The following CDH12 variants were observed in gnomAD, a reference collection of about 807,000 sequenced individuals.
CDH12 encodes cadherin-12.
In CDH12, 41 loss-of-function variants were observed where a neutral mutation model predicts 74.1. The observed-to-expected ratio is 0.55, with a 90% CI of 0.43 to 0.72. The LOEUF is 0.72. Among genes scored for constraint, CDH12 ranks in the 30% least tolerant of loss-of-function variants. The pLI is 0.00. For missense variants in CDH12, 945 were observed against 977.2 expected (o/e 0.97, Z 0.44); for synonymous variants, 399 against 355.0 (o/e 1.12, Z -1.39).
At chr5:22,704,138 CAATT>C (rs956255753) in intron 1 of CDH12, among the ~76,000 whole-genome samples, 52 of 152,056 alleles carry the variant, frequency 3.4e-4, no homozygotes, top group African/African-American at 1.1e-3. Flanking sequence ...TTTTCACAGA[CAATT>C]AAATTGTAAA....
At chr5:22,108,567 T>A (rs1008785910) in intron 4 of CDH12, among the ~76,000 whole-genome samples, 5 of 152,212 alleles carry the variant, frequency 3.3e-5, no homozygotes, top group African/African-American at 9.6e-5. Context: ...AATTGTGGCA[T>A]CTTGCCATGA....
chr5:22,292,192 AG>A (rs1737417084), intron 3 of CDH12, among the ~76,000 whole-genome samples: 1 of 152,278 alleles, frequency 6.6e-6, no homozygotes, highest in Middle Eastern at 3.4e-3. Context: ...TGTATGCAAA[AG>A]CCAACTCAAC....
intron 1 of CDH12, among the ~76,000 whole-genome samples, chr5:22,850,674 A>G (rs956218342): frequency 3.9e-5 from 6 of 152,174 alleles, no homozygotes; most frequent in Middle Eastern, 3.4e-3. Flanking sequence ...TTGCTAGAAG[A>G]TGAACAGGAT....
chr5:22,058,920 C>G (rs1454422439), intron 5 of CDH12, among the ~76,000 whole-genome samples: 1 of 152,094 alleles, frequency 6.6e-6, no homozygotes, highest in Non-Finnish European at 1.5e-5. Flanking sequence ...TTCAGAAACT[C>G]TTATTCCTTA....
At chr5:22,113,948 G>T (rs1229522117) in intron 4 of CDH12, among the ~76,000 whole-genome samples, 1 of 152,114 alleles carries the variant, frequency 6.6e-6, no homozygotes, top group African/African-American at 2.4e-5. Flanking sequence ...AGGGCCTCTG[G>T]AGAGCCGGAG....
chr5:22,495,419 A>T (rs1747066117), intron 2 of CDH12, among the ~76,000 whole-genome samples: 1 of 152,144 alleles, frequency 6.6e-6, no homozygotes, highest in South Asian at 2.1e-4. Context: ...TTATAAATTC[A>T]ATTAACAAGG....
At chr5:22,726,553 C>T (rs1356227524) in intron 1 of CDH12, among the ~76,000 whole-genome samples, 2 of 151,810 alleles carry the variant, frequency 1.3e-5, no homozygotes, top group Non-Finnish European at 2.9e-5. Flanking sequence ...TCCAAAGTGG[C>T]TGTGTCATAA....
chr5:22,008,715 C>T (rs182618851), intron 5 of CDH12, among the ~76,000 whole-genome samples: 1 of 152,234 alleles, frequency 6.6e-6, no homozygotes, highest in African/African-American at 2.4e-5. Flanking sequence ...GAGGACTGGG[C>T]TTAGGGTACA....
intron 1 of CDH12, among the ~76,000 whole-genome samples, chr5:22,610,925 C>T (rs561390009): frequency 1.1e-4 from 17 of 152,020 alleles, no homozygotes; most frequent in Admixed American, 5.9e-4. Flanking sequence ...AGGATGTATA[C>T]GAGGCATTAA....
intron 1 of CDH12, among the ~76,000 whole-genome samples, chr5:22,811,834 C>T (rs1749162605): frequency 6.6e-6 from 1 of 152,072 alleles, no homozygotes; most frequent in Non-Finnish European, 1.5e-5. Context: ...CCAGTGACTT[C>T]TACAGAAGGG....
intron 10 of CDH12, among the ~76,000 whole-genome samples, chr5:21,790,349 T>A (rs1164273848): frequency 6.6e-6 from 1 of 152,138 alleles, no homozygotes; most frequent in African/African-American, 2.4e-5. Context: ...TGTGTTTCTG[T>A]ATATCAATCC....
chr5:21,821,369 T>C (rs990096381), intron 8 of CDH12, among the ~76,000 whole-genome samples: 4 of 151,936 alleles, frequency 2.6e-5, no homozygotes, highest in African/African-American at 7.2e-5. Context: ...ATAAAGATTA[T>C]AGGACCTGAA....
At chr5:21,835,282 TAC>T (rs1056904197) in intron 8 of CDH12, among the ~76,000 whole-genome samples, 26 of 151,906 alleles carry the variant, frequency 1.7e-4, no homozygotes, top group Admixed American at 4.6e-4. Flanking sequence ...CCTATATATA[TAC>T]ACACACACAT....
intron 5 of CDH12, among the ~76,000 whole-genome samples, chr5:22,025,921 G>A (rs776224913): frequency 3.3e-5 from 5 of 152,000 alleles, no homozygotes; most frequent in African/African-American, 4.8e-5. Flanking sequence ...CCTATCTTCA[G>A]GCTCCACTTC....
chr5:22,627,056 G>A (rs1304933881), intron 1 of CDH12, among the ~76,000 whole-genome samples: 5 of 151,962 alleles, frequency 3.3e-5, no homozygotes, highest in African/African-American at 1.2e-4. Context: ...AAACGAACAA[G>A]AAAAACAAAA....
At chr5:22,293,275 A>T (rs1737479357) in intron 3 of CDH12, among the ~76,000 whole-genome samples, 1 of 151,876 alleles carries the variant, frequency 6.6e-6, no homozygotes, top group Admixed American at 6.6e-5. Context: ...AAAAACCCCT[A>T]CCCTCCTTTG....
At chr5:22,365,770 A>G in intron 3 of CDH12, among the ~76,000 whole-genome samples, 1 of 152,226 alleles carries the variant, frequency 6.6e-6, no homozygotes, top group East Asian at 1.9e-4. Context: ...CATCAGTATC[A>G]TGCCAGTTAA....
intron 3 of CDH12, among the ~76,000 whole-genome samples, chr5:22,286,150 A>T (rs957785361): frequency 6.6e-6 from 1 of 152,122 alleles, no homozygotes; most frequent in African/African-American, 2.4e-5. Context: ...TTATTTCCCA[A>T]TTTCTGCAGA....
intron 4 of CDH12, among the ~76,000 whole-genome samples, chr5:22,119,440 C>A (rs771495137): frequency 1.8e-4 from 28 of 152,056 alleles, no homozygotes; most frequent in Non-Finnish European, 3.8e-4. Context: ...CAGGTGCATG[C>A]CACCATGCCA....
Sources: allele counts gnomAD v4.1 joint callset (sites outside exome capture counted in the v4.1 genomes callset), GRCh38; gene constraint gnomAD v4.1.1; transcripts MANE v1.5; gene names NCBI Gene and HGNC (gene_info 2026-07-23, HGNC 2026-07-21).